The following FAM13A variants were observed in gnomAD, a reference collection of about 807,000 sequenced individuals.
FAM13A encodes the protein protein FAM13A.
In FAM13A, 76 loss-of-function variants were observed where a neutral mutation model predicts 129.6. That is an observed-to-expected ratio of 0.59 (90% confidence interval 0.49 to 0.71). The LOEUF (loss-of-function observed/expected upper bound fraction) is 0.71, where lower values mean the gene tolerates loss of function less well. FAM13A is among the 30% of genes least tolerant of loss of function. The probability of loss-of-function intolerance (pLI) is 0.00; values close to 1 mark genes in which losing one functional copy is unlikely to be tolerated. For synonymous variants in FAM13A, 443 were observed against 449.9 expected (o/e 0.98, Z 0.20); for missense variants, 1,108 against 1,249.3 (o/e 0.89, Z 1.70).
At chr4:88,949,517 C>A (rs1756577851) in intron 4 of FAM13A, among the ~76,000 whole-genome samples, 1 of 152,110 alleles carries the variant, frequency 6.6e-6, no homozygotes, top group Non-Finnish European at 1.5e-5. Context: ...TTAAAAGATG[C>A]AAAAGTTTCC....
chr4:88,841,493 CAAA>C (rs35396785), intron 7 of FAM13A, among the ~76,000 whole-genome samples: 24 of 96,620 alleles, frequency 2.5e-4, no homozygotes, highest in African/African-American at 3.0e-4. Flanking sequence ...GACTCTGTCT[CAAA>C]AAAAAAAAAA....
rs6830226 is a variant in FAM13A, at chr4:88,758,470, T to C, written c.1726+284A>G. ...CTATGAGGGGGAAAAGACATACACA[T>C]ATCAGCACTCCCGGTGAGTCACAAA... On this transcript the variant is annotated intron_variant, in intron 14 of 23. Transcript: ENST00000264344. Among the ~76,000 whole-genome samples, 15,780 of 151,130 alleles carry C rather than the reference T, an allele frequency of 0.1. 1,122 individuals are homozygous for C. The highest frequency in any genetic ancestry group is 0.32 in the South Asian group (1,504 of 4,732).
At chr4:88,747,128 C>T in intron 18 of FAM13A, 113 bp from the exon 19 acceptor site, 1 of 688,954 alleles carries the variant, frequency 1.5e-6, no homozygotes, top group East Asian at 2.7e-5. Flanking sequence ...TATAACAGCT[C>T]TCCCTAGCTC....
intron 6 of FAM13A, among the ~76,000 whole-genome samples, chr4:88,889,227 A>G (rs1317211649): frequency 6.6e-6 from 1 of 152,150 alleles, no homozygotes; most frequent in Admixed American, 6.5e-5. Flanking sequence ...TCCCATTTGT[A>G]TACTGCTGAA....
intron 1 of FAM13A, among the ~76,000 whole-genome samples, chr4:89,044,694 G>T (rs1052371421): frequency 2.6e-5 from 4 of 152,144 alleles, no homozygotes; most frequent in Non-Finnish European, 5.9e-5. Flanking sequence ...CAGATGAAAG[G>T]ATAAATACAA....
At chr4:89,011,798 C>G (rs182748516) in intron 3 of FAM13A, among the ~76,000 whole-genome samples, 4 of 152,274 alleles carry the variant, frequency 2.6e-5, no homozygotes, top group Non-Finnish European at 4.4e-5. Flanking sequence ...TGTTTTCTGA[C>G]CACCATAATC....
At chr4:88,818,148 T>TG (rs1355334698) in intron 7 of FAM13A, among the ~76,000 whole-genome samples, 2 of 108,988 alleles carry the variant, frequency 1.8e-5, no homozygotes, top group East Asian at 7.0e-4. Flanking sequence ...CACGCCCAGA[T>TG]AATTTTTTTT....
intron 4 of FAM13A, among the ~76,000 whole-genome samples, chr4:88,987,100 T>C (rs1762329215): frequency 6.6e-6 from 1 of 152,136 alleles, no homozygotes; most frequent in Non-Finnish European, 1.5e-5. Context: ...AAGGACACAG[T>C]TGCCAGCCTA....
chr4:89,048,861 T>C (rs558215711), intron 1 of FAM13A, among the ~76,000 whole-genome samples: 1 of 152,276 alleles, frequency 6.6e-6, no homozygotes, highest in African/African-American at 2.4e-5. Flanking sequence ...TTAGAATCCT[T>C]TGGTTATTTG....
intron 11 of FAM13A, among the ~76,000 whole-genome samples, chr4:88,769,806 G>A (rs1256941051): frequency 6.6e-6 from 1 of 151,822 alleles, no homozygotes; most frequent in Non-Finnish European, 1.5e-5. Context: ...ACTCCAGCCT[G>A]GCGACAGAGC....
At position 88,728,392 on chromosome 4, in the gene FAM13A, A is replaced by T; in HGVS notation, c.*141T>A. ...TTCTAAGGCAGGCAATGGAAACAGG[A>T]GCCGATGCCAAATGGTCTAGAGGCA... On this transcript the variant is annotated 3_prime_UTR_variant, in exon 24 of 24. Transcript: ENST00000264344. 1.1e-6 allele frequency: 1 copy of T among 929,410 alleles called. No homozygotes were observed. The highest frequency in any genetic ancestry group is 1.6e-6 in the Non-Finnish European group (1 of 618,490). 57.6% of individuals were successfully genotyped at this position (929,410 alleles called of 1,614,324 possible). A position where few individuals can be genotyped will look rare whatever the true frequency, so the allele number is the denominator to read the frequency against.
intron 3 of FAM13A, among the ~76,000 whole-genome samples, chr4:88,996,990 T>C (rs928322287): frequency 1.8e-4 from 28 of 152,198 alleles, no homozygotes; most frequent in African/African-American, 6.8e-4. Context: ...ATTTATAGAA[T>C]TTGCTGAGTT....
Position 88,726,369 on chromosome 4 carries a change from A to AACTTACTT in FAM13A, c.*2156_*2163dup, listed in dbSNP as rs58657905. 17 of 152,290 alleles carry AACTTACTT rather than the reference A, an allele frequency of 1.1e-4. No individual in the cohort carries two copies. The highest frequency in any genetic ancestry group is 3.9e-4 in the African/African-American group (16 of 41,428). 9.4% of individuals were successfully genotyped at this position (152,290 alleles called of 1,614,324 possible). A position where few individuals can be genotyped will look rare whatever the true frequency, so the allele number is the denominator to read the frequency against. On this transcript the variant is annotated 3_prime_UTR_variant, in exon 24 of 24. Transcript: ENST00000264344. ...ATCTCATACACAATTTATTTTATAT[A>AACTTACTT]ACTTACTTGGTGTTTTCTTTTATTG...
chr4:88,984,417 G>A (rs1435208202), intron 4 of FAM13A, among the ~76,000 whole-genome samples: 1 of 152,076 alleles, frequency 6.6e-6, no homozygotes, highest in South Asian at 2.1e-4. Context: ...TATATGCAAA[G>A]TATATAAACA....
intron 3 of FAM13A, among the ~76,000 whole-genome samples, chr4:88,992,432 G>A (rs1404040238): frequency 4.0e-5 from 6 of 151,884 alleles, no homozygotes; most frequent in Admixed American, 6.6e-5. Flanking sequence ...CACCATGCCC[G>A]GCTAATTTTT....
At chr4:88,821,061 A>G (rs1244906534) in intron 7 of FAM13A, among the ~76,000 whole-genome samples, 2 of 152,192 alleles carry the variant, frequency 1.3e-5, no homozygotes, top group Non-Finnish European at 2.9e-5. Context: ...CATCATTACC[A>G]CGAGAGTCAC....
At chr4:88,795,134 G>C (rs1242287789) in intron 8 of FAM13A, among the ~76,000 whole-genome samples, 1 of 151,670 alleles carries the variant, frequency 6.6e-6, no homozygotes. Context: ...TCATCCTTTT[G>C]CATCATTACA....
chr4:89,049,107 A>G (rs1221503653), intron 1 of FAM13A, among the ~76,000 whole-genome samples: 8 of 152,206 alleles, frequency 5.3e-5, no homozygotes, highest in Non-Finnish European at 1.2e-4. Context: ...ATAAAATTAC[A>G]AAGACTTGGG....
intron 6 of FAM13A, among the ~76,000 whole-genome samples, chr4:88,876,660 C>T (rs1007896459): frequency 1.3e-5 from 2 of 152,068 alleles, no homozygotes; most frequent in Admixed American, 6.5e-5. Context: ...GGCTCAATCT[C>T]GGCTCACTGC....
Sources: gnomAD v4.1 joint callset for allele counts (sites outside exome capture counted in the v4.1 genomes callset) on GRCh38, gnomAD v4.1.1 for gene constraint, MANE v1.5 for transcripts, NCBI Gene and HGNC (gene_info 2026-07-23, HGNC 2026-07-21) for gene names.